Variants in FER observed in about 807,000 individuals in gnomAD.
The protein encoded by FER is tyrosine-protein kinase Fer.
In FER, 63 loss-of-function variants were observed where a neutral mutation model predicts 111.0. That is an observed-to-expected ratio of 0.57 (90% CI 0.46 to 0.70). The LOEUF (loss-of-function observed/expected upper bound fraction) is 0.70. Ranked by LOEUF, FER falls within the 30% of genes least tolerant of loss-of-function variation. FER has a pLI of 0.00. For synonymous variants in FER, 327 were observed against 313.9 expected (o/e 1.04, Z -0.44); for missense variants, 914 against 954.0 (o/e 0.96, Z 0.55).
At chr5:109,013,125 A>G (rs961610342) in intron 13 of FER, among the ~76,000 whole-genome samples, 4 of 151,068 alleles carry the variant, frequency 2.6e-5, no homozygotes, top group Admixed American at 2.0e-4. Flanking sequence ...CATGTGCACA[A>G]TGTACAGGTT....
intron 3 of FER, among the ~76,000 whole-genome samples, chr5:108,802,195 A>C (rs972020044): frequency 1.3e-5 from 2 of 151,866 alleles, no homozygotes; most frequent in African/African-American, 4.8e-5. Context: ...GCATCTCCTT[A>C]CAAATTTTAG....
intron 17 of FER, among the ~76,000 whole-genome samples, chr5:109,102,132 A>G (rs73779130): frequency 0.18 from 27,056 of 151,984 alleles, 2,539 homozygotes; most frequent in Non-Finnish European, 0.2. Flanking sequence ...ACTATTCTAC[A>G]TTGTAGATGG....
intron 13 of FER, among the ~76,000 whole-genome samples, chr5:108,991,077 A>G (rs1763107472): frequency 1.3e-5 from 2 of 151,552 alleles, no homozygotes; most frequent in Non-Finnish European, 3.0e-5. Context: ...ACAAATATAT[A>G]TCTTAAACAG....
At chr5:109,132,547 T>C (rs920761991) in intron 17 of FER, among the ~76,000 whole-genome samples, 16 of 152,114 alleles carry the variant, frequency 1.1e-4, no homozygotes, top group Non-Finnish European at 2.1e-4. Flanking sequence ...GAAGGTCTGC[T>C]CTACTTTGAC....
chr5:108,849,922 T>G (rs918038880), intron 5 of FER, among the ~76,000 whole-genome samples: 3 of 152,172 alleles, frequency 2.0e-5, no homozygotes, highest in Non-Finnish European at 4.4e-5. Context: ...CCAGGCGCGG[T>G]GGCTCACGCC....
intron 14 of FER, among the ~76,000 whole-genome samples, chr5:109,042,846 A>C (rs1380581401): frequency 6.6e-6 from 1 of 152,216 alleles, no homozygotes; most frequent in Non-Finnish European, 1.5e-5. Context: ...ATTTGAGTTC[A>C]GAGTACATGT....
At chr5:109,061,290 C>T (rs899886301) in intron 16 of FER, among the ~76,000 whole-genome samples, 5 of 151,990 alleles carry the variant, frequency 3.3e-5, no homozygotes, top group African/African-American at 1.2e-4. Flanking sequence ...TTATAAAAGA[C>T]ATAATAGGGA....
At chr5:109,044,039 A>T (rs537669287) in intron 14 of FER, among the ~76,000 whole-genome samples, 1 of 152,268 alleles carries the variant, frequency 6.6e-6, no homozygotes, top group Admixed American at 6.5e-5. Context: ...TGCAGTGTAA[A>T]AAAACCTAAG....
intron 12 of FER, 113 bp from the exon 13 acceptor site, chr5:108,959,112 C>G: frequency 9.7e-7 from 1 of 1,034,216 alleles, no homozygotes; most frequent in South Asian, 1.8e-5. Context: ...TAAGTATATT[C>G]ACATTGTTGT....
intron 17 of FER, among the ~76,000 whole-genome samples, chr5:109,108,771 T>C (rs926496732): frequency 2.0e-5 from 3 of 152,150 alleles, no homozygotes; most frequent in Non-Finnish European, 4.4e-5. Context: ...CATCAGAACA[T>C]AGATGACGCA....
At chr5:108,762,262 C>A (rs868647105) in intron 1 of FER, among the ~76,000 whole-genome samples, 9 of 152,252 alleles carry the variant, frequency 5.9e-5, no homozygotes, top group Non-Finnish European at 8.8e-5. Flanking sequence ...TAAATGGCAG[C>A]TCCATCTTTG....
intron 16 of FER, chr5:109,051,560 A>T: frequency 1.9e-6 from 3 of 1,610,546 alleles, no homozygotes. Context: ...TGCTTGTCGT[A>T]ATTGCGGCAA....
At chr5:108,753,447 T>C (rs1222117119) in intron 1 of FER, among the ~76,000 whole-genome samples, 5 of 152,158 alleles carry the variant, frequency 3.3e-5, no homozygotes, top group Non-Finnish European at 7.4e-5. Flanking sequence ...AACTCCAAAA[T>C]ATCTCCAGTT....
Position 108,846,490 on chromosome 5 carries a change from T to C in FER, c.481+10683T>C, listed in dbSNP as rs201989697. 4.6e-5 allele frequency among the ~76,000 whole-genome samples: 7 copies of C among 152,160 alleles called. No individual in the cohort carries two copies. The East Asian group carries it at 1.3e-3, about 29-fold the overall frequency. On this transcript the variant is annotated intron_variant, in intron 5 of 19. Transcript: ENST00000281092. The stretch of plus-strand genomic sequence containing the variant: ...TTTTTATTTTAGGTTTGGTAGGTTG[T>C]CTTTTCAGGAATTTGTCCATTTCAT...
chr5:108,760,942 T>C lies in FER; in HGVS notation c.-205-7151T>C, dbSNP rs181910478. 2.7e-4 allele frequency among the ~76,000 whole-genome samples: 41 copies of C among 152,250 alleles called. 1 individual carries two copies. The highest frequency in any genetic ancestry group is 3.4e-3 in the Middle Eastern group (1 of 294). On this transcript the variant is annotated intron_variant, in intron 1 of 19. Transcript: ENST00000281092. ...TTTTGGCTTTCTTTTCTTTTCTTTT[T>C]TTTTTTGAGATGGAGTCTCGCTCTG...
At chr5:109,024,350 A>G (rs72790552) in intron 13 of FER, among the ~76,000 whole-genome samples, 17,817 of 152,192 alleles carry the variant, frequency 0.12, 1,104 homozygotes, top group Non-Finnish European at 0.14. Flanking sequence ...AGCCTGGACA[A>G]GGTTCACTCC....
At chr5:108,951,777 C>T (rs766324674) in intron 11 of FER, among the ~76,000 whole-genome samples, 2 of 151,846 alleles carry the variant, frequency 1.3e-5, no homozygotes, top group East Asian at 1.9e-4. Context: ...GAATCTAGAC[C>T]AGATATTTTT....
At chr5:108,982,926 T>C (rs2149725674) in intron 13 of FER, among the ~76,000 whole-genome samples, 1 of 152,128 alleles carries the variant, frequency 6.6e-6, no homozygotes, top group East Asian at 1.9e-4. Context: ...CCTCATTGGT[T>C]CTGTTGTCTT....
intron 17 of FER, among the ~76,000 whole-genome samples, chr5:109,146,283 T>TTATCTATCTAATATATATATATA (rs1754199124): frequency 7.9e-6 from 1 of 125,856 alleles, no homozygotes; most frequent in Non-Finnish European, 1.7e-5. Context: ...TATATATATA[T>TTATCTATCTAATATATATATATA]ATATATATCT....
Sources: gnomAD v4.1 joint callset for allele counts (sites outside exome capture counted in the v4.1 genomes callset) on GRCh38, gnomAD v4.1.1 for gene constraint, MANE v1.5 for transcripts, NCBI Gene and HGNC (gene_info 2026-07-23, HGNC 2026-07-21) for gene names.